TDRD5: variants seen among roughly 807,000 people sequenced by gnomAD.
TDRD5 encodes tudor domain containing 5.
TDRD5 carries 41 observed loss-of-function variants against 120.6 expected under a neutral mutation model. That is an observed-to-expected ratio of 0.34 (90% CI 0.26 to 0.44). TDRD5 has a LOEUF of 0.44. TDRD5 is among the 20% of genes least tolerant of loss of function. TDRD5 has a pLI of 1.00. For synonymous variants in TDRD5, 430 were observed against 433.7 expected (o/e 0.99, Z 0.11); for missense variants, 1,006 against 1,221.2 (o/e 0.82, Z 2.63).
At chr1:179,656,415 A>G (rs1226398171) in intron 14 of TDRD5, among the ~76,000 whole-genome samples, 1 of 152,230 alleles carries the variant, frequency 6.6e-6, no homozygotes, top group African/African-American at 2.4e-5. Context: ...TCTTTCATAC[A>G]GAAGTTTTTA....
chr1:179,641,729 A>C (rs2102030649), intron 11 of TDRD5, among the ~76,000 whole-genome samples: 1 of 152,290 alleles, frequency 6.6e-6, no homozygotes, highest in East Asian at 1.9e-4. Flanking sequence ...TTTGCTTAGC[A>C]TTATAGCATA....
intron 14 of TDRD5, among the ~76,000 whole-genome samples, chr1:179,655,195 G>A (rs1678933961): frequency 6.6e-6 from 1 of 152,028 alleles, no homozygotes; most frequent in Non-Finnish European, 1.5e-5. Context: ...AGTATCTGTG[G>A]ATTTCCCACT....
chr1:179,621,214 T>G, intron 6 of TDRD5, 123 bp downstream of exon 6: 2 of 775,716 alleles, frequency 2.6e-6, no homozygotes, highest in Non-Finnish European at 3.9e-6. Flanking sequence ...ACATTTTGTT[T>G]TGCATTTTAG....
chr1:179,624,413 T>C (rs1264365618), intron 6 of TDRD5, among the ~76,000 whole-genome samples: 1 of 152,152 alleles, frequency 6.6e-6, no homozygotes, highest in Non-Finnish European at 1.5e-5. Context: ...TTCAACATTG[T>C]ATTGCAAGTT....
At chr1:179,627,799 A>T (rs1677209085) in intron 6 of TDRD5, among the ~76,000 whole-genome samples, 1 of 152,246 alleles carries the variant, frequency 6.6e-6, no homozygotes, top group African/African-American at 2.4e-5. Flanking sequence ...CACTTTCTTT[A>T]AAAATGGTAA....
Position 179,690,917 on chromosome 1 carries a change from C to G in TDRD5, c.3082C>G (p.Pro1028Ala), listed in dbSNP as rs1572458721. The change falls in exon 18 of 18, where the codon CCC (proline) becomes GCC (alanine). Residue 1028 changes from proline to alanine, a missense_variant. Pro to Ala is a conservative substitution (Grantham distance 27, BLOSUM62 -1). Coordinates refer to ENST00000444136, the MANE Select transcript of TDRD5 (RefSeq NM_001199085.3). Reference sequence around the variant, plus strand: ...ATCCAGGAGCCTCCTACACTGGTACCCCAGTGTGAAAAGGATGGAAGCATG... The same window carrying G: ...ATCCAGGAGCCTCCTACACTGGTACGCCAGTGTGAAAAGGATGGAAGCATG... ...ATSRSLLHWY[P>A]SVKRMEA 1 of 1,613,354 alleles carries G rather than the reference C, an allele frequency of 6.2e-7. No individual in the cohort carries two copies. Among genetic ancestry groups the G allele is most frequent in the Non-Finnish European group, 8.5e-7 (1 of 1,179,788 alleles).
chr1:179,684,309 A>G (rs12036708), intron 17 of TDRD5, among the ~76,000 whole-genome samples: 5,770 of 152,012 alleles, frequency 0.038, 173 homozygotes, highest in East Asian at 0.11. Context: ...TTGGTTTTCT[A>G]TCCTTGCAAT....
intron 4 of TDRD5, among the ~76,000 whole-genome samples, chr1:179,597,836 C>G (rs112241705): frequency 0.085 from 12,966 of 152,208 alleles, 710 homozygotes; most frequent in African/African-American, 0.14. Context: ...CACCTCCATT[C>G]ACCTCACACA....
chr1:179,612,426 G>A (rs1676330303), intron 4 of TDRD5, among the ~76,000 whole-genome samples: 1 of 152,158 alleles, frequency 6.6e-6, no homozygotes, highest in African/African-American at 2.4e-5. Flanking sequence ...ACATTTTAAT[G>A]GGTGAATAGC....
chr1:179,652,955 A>G (rs1036879504), intron 13 of TDRD5, among the ~76,000 whole-genome samples: 247 of 152,314 alleles, frequency 1.6e-3, no homozygotes, highest in African/African-American at 5.4e-3. Context: ...AATGAATTCC[A>G]TGTTAGACTT....
At chr1:179,630,626 G>C in intron 6 of TDRD5, 141 bp from the exon 7 acceptor site, 2 of 764,714 alleles carry the variant, frequency 2.6e-6, no homozygotes, top group African/African-American at 1.7e-5. Flanking sequence ...GTTTTATGCT[G>C]GTATGGAAGT....
At chr1:179,648,598 A>T (rs1038821420) in intron 11 of TDRD5, among the ~76,000 whole-genome samples, 3 of 128,780 alleles carry the variant, frequency 2.3e-5, no homozygotes, top group South Asian at 2.3e-4. Context: ...GTATAATAAT[A>T]AAAAAAAAAA....
chr1:179,635,676 A>C lies in TDRD5; in HGVS notation c.1309A>C (p.Thr437Pro). ...VVKPLQLQVETNKSELNLAMA... is the reference protein window; with the variant it reads ...VVKPLQLQVEPNKSELNLAMA... ...TTTTTCTAACTTATAGCAAGTAGAAACAAACAAATCAGAGCTCAACTTGGC... is the reference window on the plus strand; with the variant it reads ...TTTTTCTAACTTATAGCAAGTAGAACCAAACAAATCAGAGCTCAACTTGGC... The change falls in exon 9 of 18, where the codon ACA (threonine) becomes CCA (proline). Residue 437 changes from threonine to proline, a missense_variant. By Grantham distance (38) the Thr-to-Pro change is conservative. This residue lies in a region of TDRD5 where 445 missense variants were observed against 515.5 expected (regional missense o/e 0.86). Transcript: ENST00000444136. The C allele has an allele frequency of 6.2e-7, 1 of 1,613,922 alleles. No homozygotes were observed. Among genetic ancestry groups the C allele is most frequent in the Non-Finnish European group, 8.5e-7 (1 of 1,179,952 alleles).
chr1:179,645,436 A>G (rs1004241979), intron 11 of TDRD5, among the ~76,000 whole-genome samples: 1 of 152,202 alleles, frequency 6.6e-6, no homozygotes, highest in Non-Finnish European at 1.5e-5. Flanking sequence ...GTTTAAATAC[A>G]CTGTGGTCAG....
At chr1:179,646,707 A>G (rs1678385918) in intron 11 of TDRD5, among the ~76,000 whole-genome samples, 1 of 152,156 alleles carries the variant, frequency 6.6e-6, no homozygotes, top group Admixed American at 6.5e-5. Flanking sequence ...AGAAAACCCC[A>G]CTGTCTCAGC....
At chr1:179,675,453 G>A (rs991286047) in intron 17 of TDRD5, among the ~76,000 whole-genome samples, 2 of 149,396 alleles carry the variant, frequency 1.3e-5, no homozygotes, top group African/African-American at 4.9e-5. Context: ...CTAATTTTTT[G>A]TATTTTTAGT....
chr1:179,671,415 C>A (rs1370244197), intron 17 of TDRD5, among the ~76,000 whole-genome samples: 3 of 152,110 alleles, frequency 2.0e-5, no homozygotes, highest in Non-Finnish European at 4.4e-5. Flanking sequence ...GTTTGTAGAT[C>A]AATTTGAGGA....
At chr1:179,615,942 C>T (rs1238276624) in intron 4 of TDRD5, among the ~76,000 whole-genome samples, 1 of 152,034 alleles carries the variant, frequency 6.6e-6, no homozygotes, top group African/African-American at 2.4e-5. Context: ...AAACATTGTC[C>T]TTATAGCACT....
intron 7 of TDRD5, among the ~76,000 whole-genome samples, chr1:179,632,298 T>C (rs1306463977): frequency 6.6e-6 from 1 of 152,166 alleles, no homozygotes; most frequent in East Asian, 1.9e-4. Context: ...CATGTACCTT[T>C]TACCTAGTTT....
Sources: gnomAD v4.1 joint callset for allele counts (sites outside exome capture counted in the v4.1 genomes callset) on GRCh38, gnomAD v4.1.1 for gene constraint, gnomAD v4.1.1 regional missense constraint, MANE v1.5 for transcripts, NCBI Gene and HGNC (gene_info 2026-07-23, HGNC 2026-07-21) for gene names.